The following CSMD1 variants were observed in gnomAD, a reference collection of about 807,000 sequenced individuals.
CSMD1 encodes CUB and Sushi multiple domains 1.
In CSMD1, 213 loss-of-function variants were observed where a neutral mutation model predicts 417.5. The ratio of observed to expected loss-of-function variants is 0.51; its 90% CI spans 0.46 to 0.57. The LOEUF is 0.57. Among genes scored for constraint, CSMD1 ranks in the 20% least tolerant of loss-of-function variants. The pLI is 0.00. For missense variants in CSMD1, 6,923 were observed against 4,529.7 expected (o/e 1.53, Z -15.17); for synonymous variants, 2,862 against 1,736.8 (o/e 1.65, Z -16.11).
intron 3 of CSMD1, among the ~76,000 whole-genome samples, chr8:4,136,620 T>C (rs1028165923): frequency 6.6e-6 from 1 of 152,212 alleles, no homozygotes; most frequent in Non-Finnish European, 1.5e-5. Context: ...GTTGAATATA[T>C]TTCCATAAAA....
rs141392953 is a variant in CSMD1 at position 4,126,568 on chromosome 8, A to G, written c.416-94469T>C. ...CCACTGATCCACAATTGTGGGATGG[A>G]GACTGGGGACGGGCCACCTTCTGCT... On this transcript the variant is annotated intron_variant, in intron 3 of 69. Coordinates refer to ENST00000635120, the MANE Select transcript of CSMD1 (RefSeq NM_033225.6). Among the ~76,000 whole-genome samples, 510 of 152,260 alleles carry G rather than the reference A, an allele frequency of 3.3e-3. 4 individuals carry two copies. The highest frequency in any genetic ancestry group is 0.012 in the African/African-American group (479 of 41,560).
chr8:4,219,796 A>G (rs1441253790), intron 3 of CSMD1, among the ~76,000 whole-genome samples: 1 of 152,206 alleles, frequency 6.6e-6, no homozygotes, highest in African/African-American at 2.4e-5. Flanking sequence ...GCCATTATGT[A>G]TTAATGTCTT....
At chr8:4,725,105 G>A (rs1051775792) in intron 1 of CSMD1, among the ~76,000 whole-genome samples, 6 of 152,050 alleles carry the variant, frequency 3.9e-5, no homozygotes, top group Non-Finnish European at 5.9e-5. Flanking sequence ...CAAATTAAAT[G>A]TATCCTGAAA....
chr8:4,151,674 G>C (rs1796577092), intron 3 of CSMD1, among the ~76,000 whole-genome samples: 1 of 152,042 alleles, frequency 6.6e-6, no homozygotes, highest in African/African-American at 2.4e-5. Context: ...CAACATTATA[G>C]GTGAAAAAAA....
intron 1 of CSMD1, among the ~76,000 whole-genome samples, chr8:4,899,345 A>G (rs17433193): frequency 1.3e-5 from 2 of 152,132 alleles, no homozygotes; most frequent in Non-Finnish European, 2.9e-5. Context: ...ACACTAACAA[A>G]AAGTGAGCCA....
chr8:4,843,084 C>A (rs1288727339), intron 1 of CSMD1, among the ~76,000 whole-genome samples: 2 of 152,106 alleles, frequency 1.3e-5, no homozygotes, highest in African/African-American at 4.8e-5. Context: ...TAAATATAAC[C>A]AGACTCATTT....
chr8:3,762,243 G>A (rs144330977), intron 5 of CSMD1, among the ~76,000 whole-genome samples: 8 of 152,080 alleles, frequency 5.3e-5, no homozygotes, highest in African/African-American at 9.6e-5. Flanking sequence ...CATCCCATGC[G>A]CTGTCCCTTA....
At chr8:3,001,035 A>G (rs1001892712) in intron 52 of CSMD1, among the ~76,000 whole-genome samples, 3 of 150,948 alleles carry the variant, frequency 2.0e-5, no homozygotes, top group African/African-American at 7.3e-5. Context: ...GCTGGAATGC[A>G]GTGGCACCAT....
At chr8:4,392,952 C>A (rs190023387) in intron 3 of CSMD1, among the ~76,000 whole-genome samples, 3 of 151,934 alleles carry the variant, frequency 2.0e-5, no homozygotes, top group African/African-American at 7.2e-5. Context: ...CTGGGCAACA[C>A]GGTGGGACAC....
chr8:3,904,669 C>T (rs1807989887), intron 5 of CSMD1, among the ~76,000 whole-genome samples: 1 of 134,562 alleles, frequency 7.4e-6, no homozygotes, highest in Non-Finnish European at 1.5e-5. Flanking sequence ...TGAAGTCTTA[C>T]TCTGTCACCC....
chr8:4,643,287 C>G (rs997555890), intron 1 of CSMD1, among the ~76,000 whole-genome samples: 2 of 152,208 alleles, frequency 1.3e-5, no homozygotes, highest in African/African-American at 4.8e-5. Context: ...CCTTTTACTA[C>G]ATCTATTTTG....
At chr8:3,643,620 G>C (rs1304990996) in intron 7 of CSMD1, among the ~76,000 whole-genome samples, 3 of 149,464 alleles carry the variant, frequency 2.0e-5, no homozygotes, top group Non-Finnish European at 3.0e-5. Flanking sequence ...AGAATGGCGT[G>C]AACCCGGGAG....
intron 5 of CSMD1, among the ~76,000 whole-genome samples, chr8:3,783,073 C>G (rs1245852746): frequency 6.6e-6 from 1 of 152,088 alleles, no homozygotes; most frequent in Non-Finnish European, 1.5e-5. Context: ...AGCAAGTCCC[C>G]ATCTCCCCAT....
intron 2 of CSMD1, among the ~76,000 whole-genome samples, chr8:4,496,172 G>A (rs1010540332): frequency 6.6e-6 from 1 of 152,180 alleles, no homozygotes; most frequent in Non-Finnish European, 1.5e-5. Flanking sequence ...ATACTATGAA[G>A]AGAAAATTTA....
intron 3 of CSMD1, among the ~76,000 whole-genome samples, chr8:4,389,243 G>C (rs760309188): frequency 4.6e-5 from 7 of 152,024 alleles, no homozygotes; most frequent in South Asian, 2.1e-4. Flanking sequence ...TCCTCTTTGG[G>C]TCATATATTA....
At chr8:4,281,066 C>T (rs778783697) in intron 3 of CSMD1, among the ~76,000 whole-genome samples, 2 of 152,286 alleles carry the variant, frequency 1.3e-5, no homozygotes, top group East Asian at 3.9e-4. Flanking sequence ...TGTTCACCTT[C>T]CAAGGCAGAG....
rs117002270 is a variant in CSMD1, at chr8:4,831,039, C to G, written c.85+163293G>C. On this transcript the variant is annotated intron_variant, in intron 1 of 69. Transcript: ENST00000635120. ...AGCACTTGGTGAATAACAGGATGAT[C>G]TACCCTTTACTTCAACTCCAACCAT... is the stretch of plus-strand genomic sequence containing the variant. Among the ~76,000 whole-genome samples, 233 of 152,300 alleles carry G rather than the reference C, an allele frequency of 1.5e-3. 2 individuals are homozygous for G. In the East Asian group the frequency reaches 0.031, roughly 20 times the overall value.
chr8:4,097,617 A>T (rs1208611426), intron 3 of CSMD1, among the ~76,000 whole-genome samples: 1 of 152,226 alleles, frequency 6.6e-6, no homozygotes, highest in African/African-American at 2.4e-5. Context: ...GTTGGAGATA[A>T]GCTATCTGCA....
At chr8:4,094,731 T>C (rs1800909530) in intron 3 of CSMD1, among the ~76,000 whole-genome samples, 1 of 152,160 alleles carries the variant, frequency 6.6e-6, no homozygotes, top group South Asian at 2.1e-4. Context: ...GGGAGCCTCC[T>C]TCTCCATTCA....
Sources: gnomAD v4.1 joint callset for allele counts (sites outside exome capture counted in the v4.1 genomes callset) on GRCh38, gnomAD v4.1.1 for gene constraint, MANE v1.5 for transcripts, NCBI Gene and HGNC (gene_info 2026-07-23, HGNC 2026-07-21) for gene names.